Variants in FANCL observed in about 807,000 individuals in gnomAD.
FANCL encodes FA complementation group L.
In FANCL, 69 loss-of-function variants were observed where a neutral mutation model predicts 59.4. The ratio of observed to expected loss-of-function variants is 1.16; its 90% confidence interval spans 0.96 to 1.42. The LOEUF is 1.42. Ranked by LOEUF, FANCL falls within the 40% of genes most tolerant of loss-of-function variation. The probability of loss-of-function intolerance (pLI) is 0.00; values close to 1 mark genes in which losing one functional copy is unlikely to be tolerated. For missense variants in FANCL, 519 were observed against 447.2 expected (o/e 1.16, Z -1.45); for synonymous variants, 180 against 147.1 (o/e 1.22, Z -1.62).
intron 7 of FANCL, among the ~76,000 whole-genome samples, chr2:58,187,062 TGG>T (rs1430257806): frequency 6.6e-6 from 1 of 152,142 alleles, no homozygotes; most frequent in East Asian, 1.9e-4. Flanking sequence ...ATCCCATGAC[TGG>T]GTATATACCC....
chr2:58,219,721 C>G (rs913171626), intron 5 of FANCL, among the ~76,000 whole-genome samples: 1 of 151,934 alleles, frequency 6.6e-6, no homozygotes, highest in Non-Finnish European at 1.5e-5. Flanking sequence ...AAAAAGTGTG[C>G]CAAAAATTTG....
chr2:58,225,451 C>A (rs911725526), intron 4 of FANCL, among the ~76,000 whole-genome samples: 9 of 151,936 alleles, frequency 5.9e-5, no homozygotes, highest in East Asian at 1.9e-4. Context: ...ATTTGTAAAT[C>A]CTAATGAAAC....
At chr2:58,213,925 TTA>T (rs1358949814) in intron 5 of FANCL, among the ~76,000 whole-genome samples, 1 of 152,166 alleles carries the variant, frequency 6.6e-6, no homozygotes, top group African/African-American at 2.4e-5. Context: ...TGGGGAGAAT[TTA>T]TTAAAGGCTC....
At chr2:58,180,240 A>C (rs1687794235) in intron 7 of FANCL, among the ~76,000 whole-genome samples, 1 of 152,220 alleles carries the variant, frequency 6.6e-6, no homozygotes, top group African/African-American at 2.4e-5. Flanking sequence ...CCAAAGAATT[A>C]TAAATCATGC....
intron 5 of FANCL, 109 bp from the exon 6 acceptor site, chr2:58,204,335 A>G (rs1365719117): frequency 8.0e-6 from 7 of 876,736 alleles, no homozygotes; most frequent in Non-Finnish European, 5.7e-6. Flanking sequence ...CTATTAATCC[A>G]TTATAAAAAT....
At chr2:58,178,214 C>T (rs996193663) in intron 7 of FANCL, among the ~76,000 whole-genome samples, 1 of 151,118 alleles carries the variant, frequency 6.6e-6, no homozygotes, top group African/African-American at 2.4e-5. Flanking sequence ...AGAAAAATGA[C>T]TCCTCCCTAA....
intron 7 of FANCL, among the ~76,000 whole-genome samples, chr2:58,168,164 T>A (rs553732017): frequency 2.6e-5 from 4 of 152,262 alleles, no homozygotes; most frequent in African/African-American, 9.6e-5. Context: ...GCTGGCAAGA[T>A]GGCCAAACAG....
Position 58,162,913 on chromosome 2 carries a change from C to T in FANCL, c.856G>A (p.Asp286Asn). ...GCTGGAAAATCAATTTCTAAAACAT[C>T]TTTCAAATTTTGTAACACACTATTT... The part of the protein sequence containing the change: ...PENSVLQNLK[D>N]VLEIDFPARA... The change falls in exon 11 of 14, where the codon GAT becomes AAT. Residue 286 changes from aspartate (D) to asparagine (N), a missense_variant. Physicochemically the swap from Asp to Asn is conservative, Grantham distance 23 (BLOSUM62 1). Transcript: ENST00000233741. The T allele has an allele frequency of 6.2e-7, 1 of 1,612,946 alleles. No homozygotes were observed. Among genetic ancestry groups the T allele is most frequent in the Non-Finnish European group, 8.5e-7 (1 of 1,179,190 alleles).
intron 1 of FANCL, among the ~76,000 whole-genome samples, chr2:58,239,133 G>A (rs1016551506): frequency 5.3e-5 from 8 of 152,072 alleles, no homozygotes; most frequent in Non-Finnish European, 8.8e-5. Context: ...AGTAATAGTC[G>A]ACTCAAGCAA....
At chr2:58,162,774 C>T in intron 11 of FANCL, 92 bp downstream of exon 11, 1 of 1,123,114 alleles carries the variant, frequency 8.9e-7, no homozygotes. Context: ...TTTCTAATTC[C>T]CTCCTTTTTC....
At chr2:58,162,586 C>T (rs1473989109) in intron 11 of FANCL, among the ~76,000 whole-genome samples, 7 of 151,700 alleles carry the variant, frequency 4.6e-5, no homozygotes, top group Middle Eastern at 3.4e-3. Context: ...TACAGAGGGC[C>T]GACTTCTTCT....
At chr2:58,168,772 TC>T (rs1188014878) in intron 7 of FANCL, among the ~76,000 whole-genome samples, 1 of 152,004 alleles carries the variant, frequency 6.6e-6, no homozygotes, top group East Asian at 1.9e-4. Flanking sequence ...GGAAGGGACA[TC>T]CACCATTACT....
intron 5 of FANCL, among the ~76,000 whole-genome samples, chr2:58,214,683 T>G (rs917897013): frequency 1.3e-5 from 2 of 151,870 alleles, no homozygotes; most frequent in African/African-American, 4.8e-5. Flanking sequence ...TTTATTTATT[T>G]TTGTATTTTG....
At chr2:58,165,529 G>A (rs1477927572) in intron 8 of FANCL, among the ~76,000 whole-genome samples, 195 bp downstream of exon 8, 1 of 152,012 alleles carries the variant, frequency 6.6e-6, no homozygotes, top group African/African-American at 2.4e-5. Context: ...CTTTTATAAT[G>A]AAACACCTCA....
chr2:58,240,397 T>A (rs1395196596), intron 1 of FANCL, among the ~76,000 whole-genome samples: 1 of 152,170 alleles, frequency 6.6e-6, no homozygotes, highest in Non-Finnish European at 1.5e-5. Flanking sequence ...TAACCTAAGG[T>A]ATCCTGGTGC....
At chr2:58,232,832 C>T (rs1283845461) in intron 1 of FANCL, among the ~76,000 whole-genome samples, 2 of 151,782 alleles carry the variant, frequency 1.3e-5, no homozygotes, top group African/African-American at 2.4e-5. Context: ...TAGGATAATA[C>T]ACAGGAAACT....
In FANCL at chr2:58,211,465, A is replaced by G. The variant is rs546130196; in HGVS notation, c.375-7239T>C. 7.2e-5 allele frequency among the ~76,000 whole-genome samples: 11 copies of G among 152,292 alleles called. No homozygotes were observed. The South Asian group carries it at 2.1e-3, about 29-fold the overall frequency. ...AGTGGCTGCCGTGAAGACCTCTGGC[A>G]TGCCCTGGAGACATTTTCCCCATTA... On this transcript the variant is annotated intron_variant, in intron 5 of 13. Coordinates refer to ENST00000233741, the MANE Select transcript of FANCL (RefSeq NM_018062.4).
intron 5 of FANCL, among the ~76,000 whole-genome samples, chr2:58,205,201 C>T (rs1690466379): frequency 6.6e-6 from 1 of 151,824 alleles, no homozygotes; most frequent in African/African-American, 2.4e-5. Flanking sequence ...TAGATACTGA[C>T]CAGGTACTAT....
At chr2:58,238,574 C>CAA (rs1187520456) in intron 1 of FANCL, among the ~76,000 whole-genome samples, 1 of 152,008 alleles carries the variant, frequency 6.6e-6, no homozygotes, top group Non-Finnish European at 1.5e-5. Flanking sequence ...CACAAACTAC[C>CAA]AAAGCTCACT....
Sources: allele counts gnomAD v4.1 joint callset (sites outside exome capture counted in the v4.1 genomes callset), GRCh38; gene constraint gnomAD v4.1.1; transcripts MANE v1.5; gene names NCBI Gene and HGNC (gene_info 2026-07-23, HGNC 2026-07-21).